Variants in FRMPD3 observed in about 807,000 individuals in gnomAD.
FRMPD3 encodes FERM and PDZ domain-containing protein 3.
A neutral mutation model predicts 97.9 loss-of-function variants in FRMPD3; 42 were observed. The observed-to-expected ratio is 0.43, with a 90% CI of 0.34 to 0.55. The LOEUF (loss-of-function observed/expected upper bound fraction) is 0.55, where lower values mean the gene tolerates loss of function less well. FRMPD3 is among the 20% of genes least tolerant of loss of function. The pLI is 0.03. For synonymous variants in FRMPD3, 577 were observed against 581.1 expected (o/e 0.99, Z 0.10); for missense variants, 1,303 against 1,457.7 (o/e 0.89, Z 1.73).
intron 13 of FRMPD3, among the ~76,000 whole-genome samples, chrX:107,577,090 T>C (rs34202438): frequency 0.17 from 16,280 of 98,651 alleles, 3,271 homozygotes; most frequent in African/African-American, 0.54. Flanking sequence ...TTTGGGAGGC[T>C]GAGGCAGGCG....
At chrX:107,526,500 C>T in intron 1 of FRMPD3, 82 bp from the exon 2 acceptor site, 1 of 954,973 alleles carries the variant, frequency 1.0e-6, no homozygotes, top group Non-Finnish European at 1.4e-6. Flanking sequence ...GGGCCAGAAC[C>T]CTAACTGGCA....
At position 107,550,144 on chromosome X, in the gene FRMPD3, G is replaced by A. The variant is rs757003020; in HGVS notation, c.498G>A (p.Arg166=). 18 of 1,183,589 alleles carry A rather than the reference G, an allele frequency of 1.5e-5. No homozygotes were observed. The highest frequency in any genetic ancestry group is 1.8e-5 in the Non-Finnish European group (16 of 873,563). Residue 166 remains arginine, a synonymous_variant, in exon 6 of 15, where the codon CGG becomes CGA. Transcript: ENST00000683843. ...GQIKSFTFDG[R]TTVKDVMLTL... ...TCAAGTCATTCACATTTGATGGTCG[G>A]ACCACTGTTAAGGTACATACAGTCT...
At chrX:107,585,129 T>C (rs1923587076) in intron 13 of FRMPD3, among the ~76,000 whole-genome samples, 1 of 111,647 alleles carries the variant, frequency 9.0e-6, no homozygotes, top group Admixed American at 9.6e-5. Flanking sequence ...GAGCAGTGGT[T>C]TGTAGTTCTC....
chrX:107,579,536 G>C (rs1203225006), intron 13 of FRMPD3, among the ~76,000 whole-genome samples: 1 of 112,178 alleles, frequency 8.9e-6, no homozygotes, highest in Admixed American at 9.5e-5. Flanking sequence ...TAGTAGAGGG[G>C]AAATACTGAC....
rs777049351 is a variant in FRMPD3, at chrX:107,601,778, C to T, written c.3739C>T (p.Leu1247=). 4 of 1,210,927 alleles carry T rather than the reference C, an allele frequency of 3.3e-6. No individual in the cohort carries two copies. The highest frequency in any genetic ancestry group is 4.5e-6 in the Non-Finnish European group (4 of 895,351). The change falls in exon 15 of 15, where the codon CTG becomes TTG. Residue 1247 remains leucine (L), a synonymous_variant. Transcript: ENST00000683843. ...ACTGCAGAAGGTAAAGCAGTATGAA[C>T]TGGAGTTCCTTGAGGAACTTCTAAA... ...AQLQKVKQYE[L]EFLEELLKPP... is the part of the protein sequence containing the mutation.
At chrX:107,521,769 G>C (rs187586637) in intron 1 of FRMPD3, among the ~76,000 whole-genome samples, 36 of 112,165 alleles carry the variant, frequency 3.2e-4, no homozygotes, top group African/African-American at 1.2e-3. Context: ...CAGTCTTGAG[G>C]GGAGTGACAA....
chrX:107,509,007 C>T (rs1922099733), intron 1 of FRMPD3, among the ~76,000 whole-genome samples: 1 of 111,825 alleles, frequency 8.9e-6, no homozygotes. Flanking sequence ...ATCTTCCTAC[C>T]TCCTGGGGAG....
At position 107,595,803 on chromosome X, in the gene FRMPD3, T is replaced by C. The variant is rs779808123; in HGVS notation, c.1442-1518T>C. Among the ~76,000 whole-genome samples the C allele has an allele frequency of 3.1e-3, 341 of 109,538 alleles. 2 individuals carry two copies. Among genetic ancestry groups the C allele is most frequent in the African/African-American group, 0.011 (326 of 30,075 alleles). ...AACACAAAAAATTAGTCGGGCGTGG[T>C]GGCAGGCGCCTGTAATCCTGGCTAC... On this transcript the variant is annotated intron_variant, in intron 13 of 14. Coordinates refer to ENST00000683843, the MANE Select transcript of FRMPD3 (RefSeq NM_001388459.1).
At chrX:107,592,448 A>G (rs919764041) in intron 13 of FRMPD3, among the ~76,000 whole-genome samples, 12 of 111,601 alleles carry the variant, frequency 1.1e-4, no homozygotes, top group Non-Finnish European at 1.9e-5. Context: ...GAAGTGGTGC[A>G]ATCTTGGCTC....
At chrX:107,516,228 G>A (rs1922325743) in intron 1 of FRMPD3, among the ~76,000 whole-genome samples, 1 of 110,193 alleles carries the variant, frequency 9.1e-6, no homozygotes, top group East Asian at 2.9e-4. Context: ...TGGCTGCATA[G>A]TATTCCATGG....
At chrX:107,472,688 A>T (rs1199218906) in intron 1 of FRMPD3, among the ~76,000 whole-genome samples, 1 of 111,666 alleles carries the variant, frequency 9.0e-6, no homozygotes, top group Non-Finnish European at 1.9e-5. Flanking sequence ...CGCTAGGTAG[A>T]GGGGCCCAGC....
chrX:107,513,298 C>A (rs934737544), intron 1 of FRMPD3: 1 of 111,456 alleles, frequency 9.0e-6, no homozygotes, highest in African/African-American at 3.3e-5. Flanking sequence ...CCTCTCCAAG[C>A]TCAGCTGAAG....
intron 11 of FRMPD3, among the ~76,000 whole-genome samples, chrX:107,563,514 C>G (rs946133162): frequency 8.9e-6 from 1 of 112,698 alleles, no homozygotes; most frequent in African/African-American, 3.2e-5. Flanking sequence ...GTGGCAACTA[C>G]TCAGCCCTGC....
At position 107,550,050 on chromosome X, in the gene FRMPD3, A is replaced by C. The variant is rs1161766128; in HGVS notation, c.404A>C (p.Lys135Thr). 8.5e-7 allele frequency: 1 copy of C among 1,177,336 alleles called. No individual in the cohort carries two copies. Among genetic ancestry groups the C allele is most frequent in the Admixed American group, 2.2e-5 (1 of 45,433 alleles). Residue 135 changes from lysine (K) to threonine (T), a missense_variant and splice_region_variant, in exon 6 of 15, where the codon AAA becomes ACA. Coordinates refer to ENST00000683843, the MANE Select transcript of FRMPD3 (RefSeq NM_001388459.1). ...TGTCCTTTCCCTGCTTGTTCACAGAAAATGATGAAGAAGGAAGCTCTCCTC... is the reference window on the plus strand; with the variant it reads ...TGTCCTTTCCCTGCTTGTTCACAGACAATGATGAAGAAGGAAGCTCTCCTC... ...EQVAVGETDAKMMKKEALLLI... is the reference protein window; with the variant it reads ...EQVAVGETDATMMKKEALLLI...
intron 1 of FRMPD3, among the ~76,000 whole-genome samples, chrX:107,518,569 C>A (rs944787863): frequency 1.8e-5 from 2 of 111,842 alleles, no homozygotes; most frequent in Non-Finnish European, 3.8e-5. Flanking sequence ...AAATGAAAAA[C>A]ACAGAAAATA....
intron 4 of FRMPD3, 65 bp from the exon 5 acceptor site, chrX:107,545,672 G>A: frequency 1.1e-6 from 1 of 904,553 alleles, no homozygotes. Flanking sequence ...TCTTAACTCT[G>A]ACGTGACAAA....
At chrX:107,534,556 G>A (rs1030412960) in intron 4 of FRMPD3, among the ~76,000 whole-genome samples, 1 of 111,146 alleles carries the variant, frequency 9.0e-6, no homozygotes, top group Non-Finnish European at 1.9e-5. Flanking sequence ...CAGGTGCACA[G>A]CATGGGCTCA....
chrX:107,551,483 C>T (rs751472389), intron 6 of FRMPD3, among the ~76,000 whole-genome samples: 2 of 112,218 alleles, frequency 1.8e-5, no homozygotes, highest in Non-Finnish European at 3.8e-5. Context: ...AGTGCCCTCT[C>T]TTTCCCTTTG....
chrX:107,554,993 G>A (rs1922014916), intron 8 of FRMPD3: 1 of 117,891 alleles, frequency 8.5e-6, no homozygotes, highest in East Asian at 2.5e-4. Context: ...AAATATGACA[G>A]CAGCAGGGTG....
Sources: gnomAD v4.1 joint callset for allele counts (sites outside exome capture counted in the v4.1 genomes callset) on GRCh38, gnomAD v4.1.1 for gene constraint, MANE v1.5 for transcripts, NCBI Gene and HGNC (gene_info 2026-07-23, HGNC 2026-07-21) for gene names.